Variants in MB observed in about 807,000 individuals in gnomAD.
MB encodes the protein myoglobin.
In MB, 10 loss-of-function variants were observed where a neutral mutation model predicts 14.5. That is an observed-to-expected ratio of 0.69 (90% confidence interval 0.43 to 1.17). MB has a LOEUF of 1.17. Among genes scored for constraint, MB ranks in the 50% most tolerant of loss-of-function variants. MB has a pLI of 0.00. For synonymous variants in MB, 89 were observed against 78.6 expected (o/e 1.13, Z -0.70); for missense variants, 169 against 192.7 (o/e 0.88, Z 0.73).
intron 1 of MB, 40 bp from the exon 2 acceptor site, chr22:35,611,146 C>T (rs369331323): frequency 3.7e-5 from 55 of 1,468,944 alleles, no homozygotes; most frequent in South Asian, 2.7e-4. Context: ...ATGGGAGGTG[C>T]GGTGTGAGGT....
chr22:35,614,999 T>C (rs1408660898), intron 1 of MB, among the ~76,000 whole-genome samples: 2 of 152,098 alleles, frequency 1.3e-5, no homozygotes. Context: ...AGCAGCCCCC[T>C]CCCTTCCGAA....
At chr22:35,609,458 T>C (rs1922410255) in intron 2 of MB, among the ~76,000 whole-genome samples, 1 of 152,180 alleles carries the variant, frequency 6.6e-6, no homozygotes, top group East Asian at 1.9e-4. Flanking sequence ...ACGCTGGTGA[T>C]GTGGAGCAGT....
chr22:35,621,651 T>A (rs2145928937), upstream of MB, among the ~76,000 whole-genome samples: 1 of 152,284 alleles, frequency 6.6e-6, no homozygotes, highest in South Asian at 2.1e-4. Context: ...GCTTTAAAAA[T>A]CCTTTTTTAT....
rs1013095608 is a variant in MB at position 35,608,742 on chromosome 22, A to T, written c.319-1299T>A. ...TCCATGTGTGACTTCACCCACCCAGATGGCCTGGTTGGGCCCCCAGCTCAG... is the reference window on the plus strand; with the variant it reads ...TCCATGTGTGACTTCACCCACCCAGTTGGCCTGGTTGGGCCCCCAGCTCAG... On this transcript the variant is annotated intron_variant, in intron 2 of 2. Transcript: ENST00000397326. The surrounding 1 kb of genome is among the most constrained non-coding windows in gnomAD (Gnocchi z 4.3). 6.6e-6 allele frequency among the ~76,000 whole-genome samples: 1 copy of T among 152,220 alleles called. No homozygotes were observed. The highest frequency in any genetic ancestry group is 2.1e-4 in the South Asian group (1 of 4,834).
intron 1 of MB, among the ~76,000 whole-genome samples, chr22:35,613,403 T>C (rs1203508370): frequency 6.6e-6 from 1 of 152,258 alleles, no homozygotes; most frequent in Non-Finnish European, 1.5e-5. Context: ...CTCTGGATCA[T>C]TGCTCATCCA....
upstream of MB, among the ~76,000 whole-genome samples, chr22:35,617,927 G>A (rs1923203513): frequency 6.6e-6 from 1 of 152,132 alleles, no homozygotes; most frequent in Non-Finnish European, 1.5e-5. Context: ...AGTTTTTCTT[G>A]ACATACTCCT....
chr22:35,611,485 C>T (rs550341298), intron 1 of MB, among the ~76,000 whole-genome samples: 46 of 152,320 alleles, frequency 3.0e-4, no homozygotes, highest in African/African-American at 7.5e-4. Context: ...TTCTAGTCCA[C>T]GCTGCGACCA....
Position 35,607,295 on chromosome 22 carries a change from G to A in MB, c.*2C>T, listed in dbSNP as rs557717660. ...ATGGGTGGGGGTGGGAGCGGCAGGG[G>A]CCTAGCCCTGGAAGCCCAGCTCCTT... On this transcript the variant is annotated 3_prime_UTR_variant, in exon 3 of 3. Coordinates refer to ENST00000397326, the MANE Select transcript of MB (RefSeq NM_005368.3). The A allele has an allele frequency of 1.4e-5, 23 of 1,611,908 alleles. No individual in the cohort carries two copies. The Admixed American group carries it at 3.0e-4, about 21-fold the overall frequency.
chr22:35,619,894 G>A (rs912816804), upstream of MB, among the ~76,000 whole-genome samples: 6 of 152,134 alleles, frequency 3.9e-5, no homozygotes, highest in Non-Finnish European at 7.3e-5. Flanking sequence ...GACTCCTAGC[G>A]ACCAAAAGGG....
chr22:35,607,805 C>T (rs1922273624), intron 2 of MB, among the ~76,000 whole-genome samples: 2 of 152,176 alleles, frequency 1.3e-5, no homozygotes, highest in African/African-American at 4.8e-5. Flanking sequence ...CTCAGAGCAC[C>T]ACCCGCTTGG....
intron 2 of MB, among the ~76,000 whole-genome samples, chr22:35,610,018 T>C (rs950950783): frequency 2.6e-5 from 4 of 152,150 alleles, no homozygotes; most frequent in African/African-American, 7.2e-5. Context: ...ATGGATGCCA[T>C]GTGCTAGGCA....
intron 1 of MB, among the ~76,000 whole-genome samples, chr22:35,613,122 C>T (rs1244184700): frequency 6.6e-6 from 1 of 152,178 alleles, no homozygotes; most frequent in African/African-American, 2.4e-5. Flanking sequence ...TATTATCTGG[C>T]GACAATGATC....
upstream of MB, chr22:35,617,408 TCC>T: frequency 1.6e-6 from 1 of 609,900 alleles, no homozygotes; most frequent in Non-Finnish European, 2.9e-6. Context: ...GCTGTCCCCC[TCC>T]CCTGCCCTCC....
Sources: allele counts gnomAD v4.1 joint callset (sites outside exome capture counted in the v4.1 genomes callset), GRCh38; gene constraint gnomAD v4.1.1; non-coding constraint Gnocchi (gnomAD v3.1); transcripts MANE v1.5; gene names NCBI Gene and HGNC (gene_info 2026-07-23, HGNC 2026-07-21).